POLE: variants seen among roughly 807,000 people sequenced by gnomAD.
POLE encodes the protein DNA polymerase epsilon, catalytic subunit.
A neutral mutation model predicts 279.2 loss-of-function variants in POLE; 188 were observed. That is an observed-to-expected ratio of 0.67 (90% CI 0.60 to 0.76). The LOEUF is 0.76. Among genes scored for constraint, POLE ranks in the 30% least tolerant of loss-of-function variants. POLE has a pLI of 0.00. For synonymous variants in POLE, 1,214 were observed against 1,172.5 expected, an observed-to-expected ratio of 1.04 and a Z score of -0.72; for missense variants, 2,703 against 3,016.7, an observed-to-expected ratio of 0.90 and a Z score of 2.44.
Position 132,639,968 on chromosome 12 carries a change from A to G in POLE, c.5379-670T>C, listed in dbSNP as rs537750961. ...TCAAAAAACAAAAACAAAACAAAACAAAACAAAACAAAACAAAACAAAACA... is the reference window on the plus strand; with the variant it reads ...TCAAAAAACAAAAACAAAACAAAACGAAACAAAACAAAACAAAACAAAACA... On this transcript the variant is annotated intron_variant, in intron 39 of 48. Transcript: ENST00000320574. This position sits in a 1 kb window ranked among gnomAD's most constrained non-coding sequence, Gnocchi z 4.7. Among the ~76,000 whole-genome samples the G allele has an allele frequency of 5.2e-3, 761 of 145,426 alleles. 8 individuals carry two copies. The highest frequency in any genetic ancestry group is 0.018 in the African/African-American group (661 of 35,854).
chr12:132,676,123 G>C lies in POLE; in HGVS notation c.991C>G (p.Pro331Ala). The C allele has an allele frequency of 1.2e-6, 2 of 1,610,530 alleles. No individual in the cohort carries two copies. Among genetic ancestry groups the C allele is most frequent in the Non-Finnish European group, 1.7e-6 (2 of 1,178,186 alleles). ...EFTPKPEYEGPFCVFNEPDEA... is the reference protein window; with the variant it reads ...EFTPKPEYEGAFCVFNEPDEA... ...TCGGGTTCATTGAAGACACAAAAGG[G>C]GCCTTCATATTCTGGCTTGGGGGTG... The change falls in exon 10 of 49, where the codon CCC becomes GCC. Residue 331 changes from proline (P) to alanine (A), a missense_variant. Pro to Ala is a conservative substitution (Grantham distance 27). Around this residue, in one of 5 missense-constraint regions of POLE, gnomAD observed 1,011 missense variants for 1,111.7 expected, o/e 0.91. Coordinates refer to ENST00000320574, the MANE Select transcript of POLE (RefSeq NM_006231.4).
At chr12:132,641,178 C>A (rs1185898361) in intron 39 of POLE, 2 of 414,254 alleles carry the variant, frequency 4.8e-6, no homozygotes, top group Non-Finnish European at 4.9e-6. Flanking sequence ...GCAAGCATTG[C>A]CCAGCATGAA....
chr12:132,653,227 T>C lies in POLE; in HGVS notation c.3583-3338A>G, dbSNP rs375038932. On this transcript the variant is annotated intron_variant, in intron 29 of 48. Transcript: ENST00000320574. Reference sequence around the variant, plus strand: ...AGACCCAGCCTCTACAAAAAATACATAGCCAGGTGTGGTGGTGCACACTTG... The same window carrying C: ...AGACCCAGCCTCTACAAAAAATACACAGCCAGGTGTGGTGGTGCACACTTG... 1.9e-4 allele frequency among the ~76,000 whole-genome samples: 29 copies of C among 152,194 alleles called. No homozygotes were observed. The East Asian group carries it at 2.5e-3, about 13-fold the overall frequency.
intron 16 of POLE, among the ~76,000 whole-genome samples, chr12:132,670,456 C>A (rs1024844295): frequency 2.0e-5 from 3 of 150,990 alleles, no homozygotes; most frequent in African/African-American, 7.3e-5. Context: ...TCCATGTTGG[C>A]CAGGCTGGTC....
intron 29 of POLE, 141 bp from the exon 30 acceptor site, chr12:132,650,030 A>G: frequency 1.5e-6 from 1 of 671,242 alleles, no homozygotes; most frequent in Admixed American, 2.7e-5. Context: ...GGGTAACAGC[A>G]AGACCCTGTC....
At chr12:132,652,379 AGTG>A (rs2042443072) in intron 29 of POLE, among the ~76,000 whole-genome samples, 1 of 140,588 alleles carries the variant, frequency 7.1e-6, no homozygotes, top group South Asian at 2.3e-4. Context: ...GCTGGAGTGC[AGTG>A]GTCATCTTGG....
In POLE at chr12:132,639,092, G is replaced by A. The variant is rs561034050; in HGVS notation, c.5552+33C>T. 1.6e-5 allele frequency: 26 copies of A among 1,602,920 alleles called. No individual in the cohort carries two copies. Among genetic ancestry groups the A allele is most frequent in the Admixed American group, 1.3e-4 (8 of 59,970 alleles). The stretch of plus-strand genomic sequence containing the variant: ...GTAAGGGACCAGCCCAGCTGAGGAC[G>A]CGGTGGACAGCCCAGGGAGGAGGAG... On this transcript the variant is annotated intron_variant, in intron 40 of 48. Coordinates refer to ENST00000320574, the MANE Select transcript of POLE (RefSeq NM_006231.4). This position sits in a 1 kb window ranked among gnomAD's most constrained non-coding sequence, Gnocchi z 4.7.
At chr12:132,672,178 A>G (rs1381265550) in intron 16 of POLE, 37 bp downstream of exon 16, 1 of 1,454,232 alleles carries the variant, frequency 6.9e-7, no homozygotes, top group Non-Finnish European at 9.7e-7. Flanking sequence ...GAAGGCGCCA[A>G]ACACAGACTG....
chr12:132,648,799 T>G, intron 32 of POLE, 130 bp downstream of exon 32: 2 of 993,324 alleles, frequency 2.0e-6, no homozygotes, highest in Non-Finnish European at 3.0e-6. Flanking sequence ...TCACACACGT[T>G]GTTTTGAGGA....
intron 39 of POLE, 92 bp downstream of exon 39, chr12:132,641,555 A>C: frequency 9.2e-7 from 1 of 1,086,644 alleles, no homozygotes; most frequent in Non-Finnish European, 1.4e-6. Context: ...AGGGAAGCCC[A>C]ATGGACCCTG....
At chr12:132,677,470 G>A (rs752536743) in intron 7 of POLE, 27 bp from the exon 8 acceptor site, 1 of 1,609,464 alleles carries the variant, frequency 6.2e-7, no homozygotes, top group African/African-American at 1.3e-5. Context: ...GTGCTAACTA[G>A]AGTTCTACAT....
At chr12:132,673,993 G>A (rs902374380) in intron 12 of POLE, among the ~76,000 whole-genome samples, 17 of 151,948 alleles carry the variant, frequency 1.1e-4, no homozygotes, top group African/African-American at 1.7e-4. Context: ...TCCGACGGGC[G>A]CCCCACCTCC....
chr12:132,657,802 ACAT>A, intron 27 of POLE, 63 bp downstream of exon 27: 1 of 1,073,384 alleles, frequency 9.3e-7, no homozygotes, highest in South Asian at 1.3e-5. Flanking sequence ...TCCAACTCAG[ACAT>A]ATTCTGCTCT....
At chr12:132,682,289 G>A (rs2043183002) in intron 1 of POLE, among the ~76,000 whole-genome samples, 1 of 107,702 alleles carries the variant, frequency 9.3e-6, no homozygotes. Flanking sequence ...GCGAGACTCC[G>A]GCAAAAAAAA....
At chr12:132,647,314 A>G (rs2042307999) in intron 32 of POLE, among the ~76,000 whole-genome samples, 1 of 152,126 alleles carries the variant, frequency 6.6e-6, no homozygotes, top group South Asian at 2.1e-4. Flanking sequence ...CAGAAACAAA[A>G]AAGTTAAACA....
intron 29 of POLE, among the ~76,000 whole-genome samples, chr12:132,656,275 C>T (rs899629728): frequency 2.2e-4 from 34 of 152,072 alleles, no homozygotes; most frequent in South Asian, 6.2e-4. Context: ...AGCAAGACTC[C>T]GTCTTGGGGG....
rs1422588073 is a variant in POLE at position 132,680,602 on chromosome 12, C to T, written c.285+5G>A. On this transcript the variant is annotated splice_donor_5th_base_variant and intron_variant, in intron 3 of 48. Transcript: ENST00000320574. The stretch of plus-strand genomic sequence containing the variant: ...GGTTTTAGCTTGTCGCAGTCAGGGG[C>T]TTACCTTAAATCTGCTTCCGTCATC... 1 of 1,611,532 alleles carries T rather than the reference C, an allele frequency of 6.2e-7. No individual in the cohort carries two copies. Among genetic ancestry groups the T allele is most frequent in the Non-Finnish European group, 8.5e-7 (1 of 1,177,700 alleles).
At chr12:132,679,719 A>T in intron 5 of POLE, 68 bp from the exon 6 acceptor site, 7 of 1,529,448 alleles carry the variant, frequency 4.6e-6, no homozygotes, top group Non-Finnish European at 6.3e-6. Flanking sequence ...GAGGGTAAAC[A>T]CTCAAAGGTA....
At position 132,681,228 on chromosome 12, in the gene POLE, A is replaced by T. The variant is rs2043160789; in HGVS notation, c.114T>A (p.Ser38Arg). The change falls in exon 2 of 49, where the codon AGT becomes AGA. Residue 38 changes from serine to arginine, a missense_variant. By Grantham distance (110) the Ser-to-Arg change is moderately radical. This residue lies in a region of POLE where 1,011 missense variants were observed against 1,111.7 expected (regional missense o/e 0.91). Transcript: ENST00000320574. ...SVSALKRLERSQWTDKMDLRF... is the reference protein window; with the variant it reads ...SVSALKRLERRQWTDKMDLRF... ...GCAAATCCATCTTATCCGTCCACTGACTCCGTTCCAGGCGCTTGAGTGCCG... is the reference window on the plus strand; with the variant it reads ...GCAAATCCATCTTATCCGTCCACTGTCTCCGTTCCAGGCGCTTGAGTGCCG... 1 of 1,613,996 alleles carries T rather than the reference A, an allele frequency of 6.2e-7. No homozygotes were observed. Among genetic ancestry groups the T allele is most frequent in the Admixed American group, 1.7e-5 (1 of 59,998 alleles).
Sources: allele counts gnomAD v4.1 joint callset (sites outside exome capture counted in the v4.1 genomes callset), GRCh38; gene constraint gnomAD v4.1.1; regional missense constraint gnomAD v4.1.1; non-coding constraint Gnocchi (gnomAD v3.1); transcripts MANE v1.5; gene names NCBI Gene and HGNC (gene_info 2026-07-23, HGNC 2026-07-21).